Variants in RABAC1 observed in about 807,000 individuals in gnomAD.
The protein encoded by RABAC1 is Rab acceptor 1.
Under a neutral mutation model 22.9 loss-of-function variants are expected in RABAC1, and 16 were observed. The observed-to-expected ratio is 0.70, with a 90% CI of 0.47 to 1.06. The LOEUF is 1.06. RABAC1 is among the 50% of genes least tolerant of loss of function. The pLI is 0.00. For synonymous variants in RABAC1, 139 were observed against 107.7 expected (o/e 1.29, Z -1.80); for missense variants, 227 against 246.5 (o/e 0.92, Z 0.53).
Position 41,957,089 on chromosome 19 carries a change from G to C in RABAC1, c.398C>G (p.Ala133Gly). 6.2e-7 allele frequency: 1 copy of C among 1,613,830 alleles called. No individual in the cohort carries two copies. The highest frequency in any genetic ancestry group is 1.1e-5 in the South Asian group (1 of 91,086). ...GREVSPAHQY[A>G]LAGGISFPFF... Reference sequence around the variant, plus strand: ...GGGGAAGGAGATGCCTCCAGCCAGAGCATACTGATGCGCTGGGCTCACCTC... The same window carrying C: ...GGGGAAGGAGATGCCTCCAGCCAGACCATACTGATGCGCTGGGCTCACCTC... Residue 133 changes from alanine to glycine, a missense_variant, in exon 4 of 5, where the codon GCT becomes GGT. Transcript: ENST00000222008.
rs782212067 is a variant in RABAC1, at chr19:41,956,947, C to T, written c.470-13G>A. The T allele has an allele frequency of 1.9e-5, 30 of 1,611,952 alleles. No individual in the cohort carries two copies. Among genetic ancestry groups the T allele is most frequent in the African/African-American group, 1.1e-4 (8 of 74,914 alleles). On this transcript the variant is annotated splice_polypyrimidine_tract_variant and intron_variant, in intron 4 of 4. Coordinates refer to ENST00000222008, the MANE Select transcript of RABAC1 (RefSeq NM_006423.3). ...ACCAGGGTGGCTCCTGCAGGAAAGCCGGCAGCTCAGGGCCACACTCCTGCA... is the reference window on the plus strand; with the variant it reads ...ACCAGGGTGGCTCCTGCAGGAAAGCTGGCAGCTCAGGGCCACACTCCTGCA...
rs1295366049 is a variant in RABAC1, at chr19:41,958,846, G to A, written c.159C>T (p.Arg53=). Residue 53 remains arginine, a synonymous_variant, in exon 2 of 5, where the codon CGC becomes CGT. Coordinates refer to ENST00000222008, the MANE Select transcript of RABAC1 (RefSeq NM_006423.3). The part of the protein sequence containing the change: ...RPWSTFVDQQ[R]FSRPRNLGEL... ...CTCCCAGGTTGCGGGGCCGTGAGAA[G>A]CGCTGCTGGTCCACGAAGGTGCTCC... 16 of 1,609,002 alleles carry A rather than the reference G, an allele frequency of 9.9e-6. No homozygotes were observed. Among genetic ancestry groups the A allele is most frequent in the Non-Finnish European group, 1.1e-5 (13 of 1,179,668 alleles).
intron 3 of RABAC1, chr19:41,957,375 TG>T: frequency 2.0e-6 from 1 of 512,282 alleles, no homozygotes; most frequent in Non-Finnish European, 3.5e-6. Context: ...AGGAAGTTCC[TG>T]GGATCCCGGC....
intron 3 of RABAC1, 125 bp from the exon 4 acceptor site, chr19:41,957,244 C>T: frequency 2.7e-6 from 2 of 753,032 alleles, no homozygotes; most frequent in East Asian, 2.7e-5. Flanking sequence ...ACTCCTCATG[C>T]CAAGGCCCTC....
chr19:41,959,118 G>A (rs1421730645), intron 1 of RABAC1, 119 bp downstream of exon 1: 1 of 1,446,252 alleles, frequency 6.9e-7, no homozygotes, highest in Non-Finnish European at 9.4e-7. Context: ...AGGAGACCGG[G>A]GCCAACACTT....
chr19:41,957,042 C>T lies in RABAC1; in HGVS notation c.445G>A (p.Gly149Ser). Reference protein sequence around the residue: ...SFPFFWLAGAGSAVFWVLGAT... With the variant: ...SFPFFWLAGASSAVFWVLGAT... ...CCCAGCACCCAGAAGACGGCCGAGC[C>T]CGCACCAGCCAGCCAGAAGAAGGGG... Residue 149 changes from glycine to serine, a missense_variant, in exon 4 of 5, where the codon GGC becomes AGC. Transcript: ENST00000222008. 1.2e-6 allele frequency: 2 copies of T among 1,613,860 alleles called. No homozygotes were observed. The highest frequency in any genetic ancestry group is 2.2e-5 in the South Asian group (2 of 91,082).
rs782781608 is a variant in RABAC1, at chr19:41,958,775, T to C, written c.230A>G (p.Asn77Ser). 1.2e-6 allele frequency: 2 copies of C among 1,613,138 alleles called. No homozygotes were observed. Among genetic ancestry groups the C allele is most frequent in the South Asian group, 1.1e-5 (1 of 91,062 alleles). Residue 77 changes from asparagine (N) to serine (S), a missense_variant, in exon 2 of 5, where the codon AAC (asparagine) becomes AGC (serine). Asn to Ser is a conservative substitution (Grantham distance 46). Transcript: ENST00000222008. Reference protein sequence around the residue: ...LVRNVEYYQSNYVFVFLGLIL... With the variant: ...LVRNVEYYQSSYVFVFLGLIL... ...GAGGCCCAGGAACACGAACACATAG[T>C]TGCTCTGGTAGTACTCCACGTTGCG...
intron 1 of RABAC1, 100 bp from the exon 2 acceptor site, chr19:41,959,048 C>G: frequency 7.3e-7 from 1 of 1,368,648 alleles, no homozygotes; most frequent in Non-Finnish European, 9.8e-7. Flanking sequence ...CCCGGGACCC[C>G]AGATTCCTGT....
chr19:41,959,009 G>C (rs1484435602), intron 1 of RABAC1, 61 bp from the exon 2 acceptor site: 3 of 1,477,384 alleles, frequency 2.0e-6, no homozygotes, highest in Non-Finnish European at 2.7e-6. Flanking sequence ...CCCCGCAAAA[G>C]AAGGGGACTA....
rs2074999484 is a variant in RABAC1 at position 41,958,378 on chromosome 19, G to A, written c.275C>T (p.Thr92Met). ...CAGAGCCACCAGCAACATAGGGGAC[G>A]TCACCCTGGAGGAGGAGTGCAGGGA... Reference protein sequence around the residue: ...FLGLILYCVVTSPMLLVALAV... With the variant: ...FLGLILYCVVMSPMLLVALAV... Residue 92 changes from threonine (T) to methionine (M), a missense_variant, in exon 3 of 5, where the codon ACG (threonine) becomes ATG (methionine). By Grantham distance (81) the Thr-to-Met change is moderately conservative. Coordinates refer to ENST00000222008, the MANE Select transcript of RABAC1 (RefSeq NM_006423.3). 1 of 1,613,148 alleles carries A rather than the reference G, an allele frequency of 6.2e-7. No homozygotes were observed. The highest frequency in any genetic ancestry group is 2.2e-5 in the East Asian group (1 of 44,872).
In RABAC1 at chr19:41,958,790, T is replaced by C; in HGVS notation, c.215A>G (p.Glu72Gly). The change falls in exon 2 of 5, where the codon GAG becomes GGG. Residue 72 changes from glutamate (E) to glycine (G), a missense_variant. By Grantham distance (98) the Glu-to-Gly change is moderately conservative. Coordinates refer to ENST00000222008, the MANE Select transcript of RABAC1 (RefSeq NM_006423.3). ...GAACACATAGTTGCTCTGGTAGTAC[T>C]CCACGTTGCGTACGAGGCGCTGGCA... ...ELCQRLVRNV[E>G]YYQSNYVFVF... The C allele has an allele frequency of 6.2e-7, 1 of 1,612,852 alleles. No homozygotes were observed.
In RABAC1 at chr19:41,956,725, G is replaced by C; in HGVS notation, c.*121C>G. On this transcript the variant is annotated 3_prime_UTR_variant, in exon 5 of 5. Transcript: ENST00000222008. ...ATAACAGCTTTATTTTCAAAGGCGG[G>C]ATCCCTCCCCGGGCTTGTGATGGGA... 2 of 853,422 alleles carry C rather than the reference G, an allele frequency of 2.3e-6. No individual in the cohort carries two copies. Among genetic ancestry groups the C allele is most frequent in the East Asian group, 5.4e-5 (2 of 37,060 alleles). 52.9% of individuals were successfully genotyped at this position (853,422 alleles called of 1,614,324 possible).
At chr19:41,958,161 T>A in intron 3 of RABAC1, 125 bp downstream of exon 3, 1 of 823,268 alleles carries the variant, frequency 1.2e-6, no homozygotes, top group Admixed American at 2.2e-5. Context: ...GGGGATCTAG[T>A]GTACATCTAG....
chr19:41,958,909 C>T lies in RABAC1; in HGVS notation c.96G>A (p.Arg32=), dbSNP rs1198683820. ...LPKLIPSGAG[R]EWLERRRATI... The stretch of plus-strand genomic sequence containing the variant: ...TCGCGCGGCGCCGCTCCAGCCACTC[C>T]CGGCCTGCACCGGAGGGAATCAGCT... Residue 32 remains arginine, a synonymous_variant, in exon 2 of 5, where the codon CGG becomes CGA. Coordinates refer to ENST00000222008, the MANE Select transcript of RABAC1 (RefSeq NM_006423.3). 6.3e-7 allele frequency: 1 copy of T among 1,592,496 alleles called. No homozygotes were observed. Among genetic ancestry groups the T allele is most frequent in the Non-Finnish European group, 8.5e-7 (1 of 1,173,678 alleles).
At chr19:41,959,112 G>T in intron 1 of RABAC1, 125 bp downstream of exon 1, 1 of 1,418,906 alleles carries the variant, frequency 7.0e-7, no homozygotes, top group South Asian at 1.3e-5. Flanking sequence ...CATTAGAGGA[G>T]ACCGGGGCCA....
rs782588625 is a variant in RABAC1 at position 41,957,038 on chromosome 19, G to A, written c.449C>T (p.Ser150Leu). 7 of 1,613,650 alleles carry A rather than the reference G, an allele frequency of 4.3e-6. No individual in the cohort carries two copies. The highest frequency in any genetic ancestry group is 2.2e-5 in the East Asian group (1 of 44,892). ...CTCACCCAGCACCCAGAAGACGGCCGAGCCCGCACCAGCCAGCCAGAAGAA... is the reference window on the plus strand; with the variant it reads ...CTCACCCAGCACCCAGAAGACGGCCAAGCCCGCACCAGCCAGCCAGAAGAA... ...FPFFWLAGAG[S>L]AVFWVLGATL... Residue 150 changes from serine (S) to leucine (L), a missense_variant, in exon 4 of 5, where the codon TCG becomes TTG. Physicochemically the swap from Ser to Leu is moderately radical, Grantham distance 145. Coordinates refer to ENST00000222008, the MANE Select transcript of RABAC1 (RefSeq NM_006423.3).
rs781857060 is a variant in RABAC1, at chr19:41,956,802, G to T, written c.*44C>A. The T allele has an allele frequency of 7.8e-6, 12 of 1,546,648 alleles. No individual in the cohort carries two copies. The African/African-American group carries it at 1.5e-4, about 19-fold the overall frequency. On this transcript the variant is annotated 3_prime_UTR_variant, in exon 5 of 5. Transcript: ENST00000222008. ...CCGTGCAGGACAGGCATGGGCAGGG[G>T]TGGGGCAGCTGGCCCGGGAGGCCGG...
chr19:41,957,387 T>TTCC (rs2074994968), intron 3 of RABAC1: 1 of 496,586 alleles, frequency 2.0e-6, no homozygotes, highest in African/African-American at 1.9e-5. Flanking sequence ...GGATCCCGGC[T>TTCC]TCCTGCTCCC....
chr19:41,958,028 G>C (rs1555856933), intron 3 of RABAC1: 1 of 435,186 alleles, frequency 2.3e-6, no homozygotes, highest in Non-Finnish European at 4.3e-6. Flanking sequence ...CATGTGGTTT[G>C]AAAAGGAGTA....
Sources: gnomAD v4.1 joint callset for allele counts on GRCh38, gnomAD v4.1.1 for gene constraint, MANE v1.5 for transcripts, NCBI Gene and HGNC (gene_info 2026-07-23, HGNC 2026-07-21) for gene names.